The following DAB1 variants were observed in gnomAD, a reference collection of about 807,000 sequenced individuals.
DAB1 encodes the protein disabled homolog 1.
Under a neutral mutation model 64.6 loss-of-function variants are expected in DAB1, and 15 were observed. That is an observed-to-expected ratio of 0.23 (90% CI 0.16 to 0.36). The LOEUF is 0.36. DAB1 is among the 10% of genes least tolerant of loss of function. DAB1 has a pLI of 1.00. For synonymous variants in DAB1, 235 were observed against 251.9 expected, an observed-to-expected ratio of 0.93 and a Z score of 0.64; for missense variants, 596 against 706.7, an observed-to-expected ratio of 0.84 and a Z score of 1.78.
intron 1 of DAB1, among the ~76,000 whole-genome samples, chr1:57,379,398 T>A (rs1271246987): frequency 6.6e-6 from 1 of 152,188 alleles, no homozygotes; most frequent in African/African-American, 2.4e-5. Context: ...TTCAGTAGAC[T>A]AAAGCATGAA....
intron 5 of DAB1, among the ~76,000 whole-genome samples, chr1:57,913,302 T>C (rs1052981145): frequency 6.6e-6 from 1 of 152,084 alleles, no homozygotes; most frequent in African/African-American, 2.4e-5. Flanking sequence ...CATCTACAAC[T>C]ATCTGATCTT....
intron 2 of DAB1, among the ~76,000 whole-genome samples, chr1:57,256,249 G>A (rs115879357): frequency 7.6e-4 from 116 of 152,182 alleles, no homozygotes; most frequent in African/African-American, 2.6e-3. Context: ...TCAAAAACTC[G>A]AAGTGTAATC....
chr1:57,357,022 A>G (rs945272736), intron 1 of DAB1, among the ~76,000 whole-genome samples: 2 of 152,172 alleles, frequency 1.3e-5, no homozygotes, highest in South Asian at 2.1e-4. Context: ...GGGTCACTGC[A>G]TGGATTAACT....
chr1:58,337,364 T>G (rs996652920), intron 4 of DAB1, among the ~76,000 whole-genome samples: 2 of 151,902 alleles, frequency 1.3e-5, no homozygotes, highest in African/African-American at 4.8e-5. Flanking sequence ...AAAAGCAGCT[T>G]ATATAGTAAA....
At chr1:57,374,741 T>C (rs1200371399) in intron 1 of DAB1, among the ~76,000 whole-genome samples, 1 of 152,178 alleles carries the variant, frequency 6.6e-6, no homozygotes, top group Non-Finnish European at 1.5e-5. Flanking sequence ...AAATCTTTTA[T>C]AAAATACCTG....
intron 2 of DAB1, among the ~76,000 whole-genome samples, chr1:57,275,333 A>G (rs963200861): frequency 7.9e-5 from 12 of 152,218 alleles, no homozygotes; most frequent in African/African-American, 2.7e-4. Flanking sequence ...CAATGTTTAA[A>G]TGACATCTCC....
rs78690777 is a variant in DAB1 at position 58,424,781 on chromosome 1, A to C, written n.257+81279T>G. Among the ~76,000 whole-genome samples the C allele has an allele frequency of 9.8e-3, 1,486 of 152,296 alleles. 26 individuals are homozygous for C. Among genetic ancestry groups the C allele is most frequent in the African/African-American group, 0.034 (1,416 of 41,550 alleles). On this transcript the variant is annotated intron_variant and non_coding_transcript_variant, in intron 3 of 20. Transcript: ENST00000485760. The stretch of plus-strand genomic sequence containing the variant: ...TGAGGAGGGATCAAGAAGCATTTAA[A>C]AAATAAAATAATAGGGCTTGGGGAC...
intron 2 of DAB1, among the ~76,000 whole-genome samples, chr1:57,215,813 T>C (rs1048739693): frequency 6.6e-6 from 1 of 152,170 alleles, no homozygotes; most frequent in African/African-American, 2.4e-5. Flanking sequence ...CTATGGAATG[T>C]CCATGCATTT....
intron 1 of DAB1, among the ~76,000 whole-genome samples, chr1:57,326,882 G>T (rs963038116): frequency 2.0e-5 from 3 of 149,194 alleles, no homozygotes; most frequent in Non-Finnish European, 4.5e-5. Flanking sequence ...AGGAATCTAG[G>T]GGTACACAAA....
chr1:58,493,855 T>C (rs1322000254), intron 3 of DAB1, among the ~76,000 whole-genome samples: 14 of 150,384 alleles, frequency 9.3e-5, no homozygotes, highest in Non-Finnish European at 2.1e-4. Context: ...AGGTAATTTA[T>C]AGATTCAATG....
At chr1:57,229,186 ACTT>A (rs976785058) in intron 2 of DAB1, among the ~76,000 whole-genome samples, 26 of 149,410 alleles carry the variant, frequency 1.7e-4, no homozygotes, top group South Asian at 6.3e-4. Context: ...AATATTTTTC[ACTT>A]CTTCTTCTTT....
intron 5 of DAB1, among the ~76,000 whole-genome samples, chr1:57,893,812 C>T (rs1569936861): frequency 6.6e-6 from 1 of 152,236 alleles, no homozygotes. Context: ...CAGGGAAAGG[C>T]AGGCTCTCTA....
chr1:58,201,086 G>A (rs979343093), intron 4 of DAB1, among the ~76,000 whole-genome samples: 6 of 149,842 alleles, frequency 4.0e-5, no homozygotes, highest in South Asian at 2.1e-4. Flanking sequence ...GTGTGATCTC[G>A]GCTCACTGCA....
intron 5 of DAB1, among the ~76,000 whole-genome samples, chr1:58,126,433 G>T (rs576673985): frequency 6.7e-6 from 1 of 148,808 alleles, no homozygotes; most frequent in Non-Finnish European, 1.5e-5. Context: ...CATTCAGAAG[G>T]GGCCAATCTT....
At chr1:57,974,952 T>C (rs1036690426) in intron 5 of DAB1, among the ~76,000 whole-genome samples, 3 of 152,166 alleles carry the variant, frequency 2.0e-5, no homozygotes, top group Non-Finnish European at 2.9e-5. Flanking sequence ...TACAAAGGCC[T>C]AGTCCCAGCT....
At chr1:58,474,516 G>A (rs11207236) in intron 3 of DAB1, among the ~76,000 whole-genome samples, 48,756 of 151,938 alleles carry the variant, frequency 0.32, 8,447 homozygotes, top group African/African-American at 0.45. Flanking sequence ...TTGGGTACCT[G>A]TTAGGGTCCA....
At chr1:57,797,454 A>G (rs1650926941) in intron 6 of DAB1, among the ~76,000 whole-genome samples, 1 of 152,260 alleles carries the variant, frequency 6.6e-6, no homozygotes, top group Non-Finnish European at 1.5e-5. Context: ...ACGTTCTTCT[A>G]TAACACATTT....
chr1:58,023,030 C>G (rs763376511), intron 5 of DAB1, among the ~76,000 whole-genome samples: 6 of 152,050 alleles, frequency 3.9e-5, no homozygotes, highest in African/African-American at 4.8e-5. Context: ...CATTTCAGTC[C>G]AACTAAACAA....
rs190031075 is a variant in DAB1 at position 57,738,804 on chromosome 1, G to A, written n.552-89139C>T. Among the ~76,000 whole-genome samples the A allele has an allele frequency of 1.2e-3, 184 of 152,148 alleles. 1 individual carries two copies. Among genetic ancestry groups the A allele is most frequent in the Non-Finnish European group, 1.6e-3 (106 of 68,020 alleles). The stretch of plus-strand genomic sequence containing the variant: ...CATGTGCTTCCACTATATCAATAAC[G>A]GGAGGCAATTATTGATTTTTCCAAA... On this transcript the variant is annotated intron_variant and non_coding_transcript_variant, in intron 6 of 20. Coordinates refer to the DAB1 transcript ENST00000485760.
Sources: allele counts gnomAD v4.1 joint callset (sites outside exome capture counted in the v4.1 genomes callset), GRCh38; gene constraint gnomAD v4.1.1; transcripts MANE v1.5; gene names NCBI Gene and HGNC (gene_info 2026-07-23, HGNC 2026-07-21).